Variants in SEPTIN10 observed in about 807,000 individuals in gnomAD.
The protein encoded by SEPTIN10 is septin 10.
SEPTIN10 carries 66 observed loss-of-function variants against 54.8 expected under a neutral mutation model. That is an observed-to-expected ratio of 1.21 (90% CI 0.99 to 1.48). SEPTIN10 has a LOEUF of 1.48. Among genes scored for constraint, SEPTIN10 ranks in the 40% most tolerant of loss-of-function variants. The probability of loss-of-function intolerance (pLI) is 0.00; values close to 1 mark genes in which losing one functional copy is unlikely to be tolerated. For synonymous variants in SEPTIN10, 161 were observed against 181.0 expected (o/e 0.89, Z 0.89); for missense variants, 620 against 545.6 (o/e 1.14, Z -1.36).
chr2:109,556,820 C>T (rs1309688578), intron 8 of SEPTIN10, among the ~76,000 whole-genome samples: 1 of 152,162 alleles, frequency 6.6e-6, no homozygotes, highest in Non-Finnish European at 1.5e-5. Context: ...CACATATACA[C>T]TGTGGAATGC....
intron 1 of SEPTIN10, among the ~76,000 whole-genome samples, chr2:109,604,111 G>A (rs1230572690): frequency 5.6e-5 from 8 of 143,476 alleles, no homozygotes; most frequent in Middle Eastern, 3.6e-3. Context: ...GCAGTGAGCC[G>A]AGATCATGCC....
At chr2:109,559,817 C>T (rs1685200627) in intron 8 of SEPTIN10, among the ~76,000 whole-genome samples, 1 of 152,008 alleles carries the variant, frequency 6.6e-6, no homozygotes, top group Non-Finnish European at 1.5e-5. Context: ...TTCATTCATT[C>T]CACTCCCAGA....
intron 5 of SEPTIN10, among the ~76,000 whole-genome samples, 171 bp downstream of exon 5, chr2:109,574,410 C>A (rs1689104089): frequency 7.1e-6 from 1 of 140,204 alleles, no homozygotes; most frequent in South Asian, 2.2e-4. Context: ...CTCACAACTA[C>A]CTCCAGCCTG....
At chr2:109,570,551 G>C (rs1688117900) in intron 5 of SEPTIN10, among the ~76,000 whole-genome samples, 1 of 150,434 alleles carries the variant, frequency 6.6e-6, no homozygotes, top group African/African-American at 2.4e-5. Flanking sequence ...CCAAGACGGA[G>C]TCTAGCTCTG....
In SEPTIN10 at chr2:109,546,139, G is replaced by T; in HGVS notation, c.1260C>A (p.Phe420Leu). ...RRLLEEEIIA[F>L]SKKKATSEIF... ...TCTCGGAGGTAGCTTTCTTTTTAGA[G>T]AAAGCAATTATTTCTTCTTCCAAAA... is the stretch of plus-strand genomic sequence containing the variant. The change falls in exon 10 of 11, where the codon TTC becomes TTA. Residue 420 changes from phenylalanine to leucine, a missense_variant. Coordinates refer to ENST00000397712, the MANE Select transcript of SEPTIN10 (RefSeq NM_144710.5). 2 of 1,611,120 alleles carry T rather than the reference G, an allele frequency of 1.2e-6. No individual in the cohort carries two copies. The highest frequency in any genetic ancestry group is 1.1e-5 in the South Asian group (1 of 90,728).
intron 1 of SEPTIN10, among the ~76,000 whole-genome samples, chr2:109,608,251 A>G (rs997472431): frequency 6.6e-6 from 1 of 152,254 alleles, no homozygotes; most frequent in African/African-American, 2.4e-5. Flanking sequence ...CTATTTGTCC[A>G]TGAGAGACTG....
At chr2:109,545,800 T>C in intron 10 of SEPTIN10, 1 of 1,425,084 alleles carries the variant, frequency 7.0e-7, no homozygotes, top group Non-Finnish European at 9.1e-7. Context: ...CACTGTGATG[T>C]ATTTTTATTT....
intron 8 of SEPTIN10, among the ~76,000 whole-genome samples, chr2:109,554,869 G>A (rs989024497): frequency 6.6e-6 from 1 of 152,018 alleles, no homozygotes; most frequent in African/African-American, 2.4e-5. Context: ...AGAGTCACTG[G>A]AATCACTGTA....
intron 2 of SEPTIN10, among the ~76,000 whole-genome samples, chr2:109,587,684 C>T (rs1808722): frequency 0.25 from 38,589 of 151,918 alleles, 5,006 homozygotes; most frequent in South Asian, 0.3. Flanking sequence ...GAGGCCGAGG[C>T]GGGTGGATAA....
At chr2:109,589,786 C>A (rs1693505897) in intron 2 of SEPTIN10, among the ~76,000 whole-genome samples, 1 of 151,740 alleles carries the variant, frequency 6.6e-6, no homozygotes, top group South Asian at 2.1e-4. Flanking sequence ...ATATGTCCAC[C>A]CAAGAACTTA....
At chr2:109,572,378 C>T (rs1000059540) in intron 5 of SEPTIN10, among the ~76,000 whole-genome samples, 1 of 152,118 alleles carries the variant, frequency 6.6e-6, no homozygotes, top group South Asian at 2.1e-4. Context: ...TGTGACTTGC[C>T]CGCCTCGGCC....
chr2:109,593,729 A>G (rs1392623825), intron 1 of SEPTIN10, among the ~76,000 whole-genome samples: 2 of 151,998 alleles, frequency 1.3e-5, no homozygotes, highest in Non-Finnish European at 2.9e-5. Context: ...ATACTCTAAG[A>G]GCCAAGAAGT....
In SEPTIN10 at chr2:109,606,672, C is replaced by CTTTTTTTTTTTTT. The variant is rs34414105; in HGVS notation, c.30+7113_30+7125dup. 7.0e-5 allele frequency among the ~76,000 whole-genome samples: 5 copies of CTTTTTTTTTTTTT among 71,896 alleles called. 1 individual carries two copies. Among genetic ancestry groups the CTTTTTTTTTTTTT allele is most frequent in the African/African-American group, 1.1e-4 (2 of 18,228 alleles). 47.2% of individuals were successfully genotyped at this position (71,896 alleles called of 152,430 possible). On this transcript the variant is annotated intron_variant, in intron 1 of 10. Transcript: ENST00000397712. ...AAAAAATTGCACTAAAAATTTTAAG[C>CTTTTTTTTTTTTT]TTTTTTTTTTTTTTTTTTTTTTTTT...
chr2:109,564,505 T>G lies in SEPTIN10; in HGVS notation c.889A>C (p.Lys297Gln). ...GTACAAATGAGCATTTCCCGCAGCT[T>G]TACAAAGTCACAGTGGTTTTCATTT... ...VENENHCDFV[K>Q]LREMLICTNM... Residue 297 changes from lysine (K) to glutamine (Q), a missense_variant, in exon 8 of 11, where the codon AAG becomes CAG. Lys to Gln is a moderately conservative substitution (Grantham distance 53). Coordinates refer to ENST00000397712, the MANE Select transcript of SEPTIN10 (RefSeq NM_144710.5). 2 of 1,551,844 alleles carry G rather than the reference T, an allele frequency of 1.3e-6. No individual in the cohort carries two copies. The highest frequency in any genetic ancestry group is 1.8e-6 in the Non-Finnish European group (2 of 1,140,896).
At position 109,544,276 on chromosome 2, in the gene SEPTIN10, G is replaced by A. The variant is rs768406832; in HGVS notation, c.*33C>T. 7 of 1,612,762 alleles carry A rather than the reference G, an allele frequency of 4.3e-6. 1 individual carries two copies. In the South Asian group the frequency reaches 7.7e-5, roughly 18 times the overall value. On this transcript the variant is annotated 3_prime_UTR_variant, in exon 11 of 11. Coordinates refer to ENST00000397712, the MANE Select transcript of SEPTIN10 (RefSeq NM_144710.5). ...TTTTTTTTTAATAAAGTTTGCTTGT[G>A]ATGATGACCTTCTGTGCTCTGGAAC...
intron 8 of SEPTIN10, among the ~76,000 whole-genome samples, chr2:109,555,027 C>A (rs1684033574): frequency 6.6e-6 from 1 of 152,170 alleles, no homozygotes; most frequent in African/African-American, 2.4e-5. Context: ...TACAGCCGAA[C>A]CTGATCTTTG....
At chr2:109,572,683 C>T (rs1165370204) in intron 5 of SEPTIN10, among the ~76,000 whole-genome samples, 1 of 137,466 alleles carries the variant, frequency 7.3e-6, no homozygotes, top group Admixed American at 8.2e-5. Context: ...GTGGTGCAAT[C>T]TCGGATTACC....
chr2:109,593,409 C>CTCTTTTT (rs1694555669), intron 1 of SEPTIN10, among the ~76,000 whole-genome samples: 1 of 133,804 alleles, frequency 7.5e-6, no homozygotes, highest in Non-Finnish European at 1.6e-5. Flanking sequence ...AGAGAAAGAA[C>CTCTTTTT]TTTTTTTTTT....
chr2:109,587,650 AC>A (rs1692880724), intron 2 of SEPTIN10, among the ~76,000 whole-genome samples: 1 of 152,162 alleles, frequency 6.6e-6, no homozygotes, highest in African/African-American at 2.4e-5. Context: ...GTGGTGGCTC[AC>A]GCCTGTAATC....
Sources: gnomAD v4.1 joint callset for allele counts (sites outside exome capture counted in the v4.1 genomes callset) on GRCh38, gnomAD v4.1.1 for gene constraint, MANE v1.5 for transcripts, NCBI Gene and HGNC (gene_info 2026-07-23, HGNC 2026-07-21) for gene names.